Variants in NBEA observed in about 807,000 individuals in gnomAD.
The protein encoded by NBEA is neurobeachin.
A neutral mutation model predicts 343.4 loss-of-function variants in NBEA; 44 were observed. The ratio of observed to expected loss-of-function variants is 0.13; its 90% CI spans 0.10 to 0.16. The LOEUF is 0.16. NBEA is among the 10% of genes least tolerant of loss of function. The pLI is 1.00. For synonymous variants in NBEA, 1,175 were observed against 1,238.7 expected (o/e 0.95, Z 1.08); for missense variants, 2,555 against 3,631.3 (o/e 0.70, Z 7.62).
intron 41 of NBEA, among the ~76,000 whole-genome samples, chr13:35,485,671 T>C (rs2076279836): frequency 6.6e-6 from 1 of 152,076 alleles, no homozygotes; most frequent in Non-Finnish European, 1.5e-5. Context: ...TGATGACAAA[T>C]GCCCCTCTCT....
At chr13:35,513,680 T>C (rs1369748463) in intron 41 of NBEA, among the ~76,000 whole-genome samples, 1 of 152,148 alleles carries the variant, frequency 6.6e-6, no homozygotes, top group Non-Finnish European at 1.5e-5. Context: ...AGATGTAAAG[T>C]ATATAAATTA....
rs773560065 is a variant in NBEA at position 35,208,863 on chromosome 13, C to G, written c.5521+9C>G. 1.3e-6 allele frequency: 2 copies of G among 1,512,030 alleles called. No individual in the cohort carries two copies. The highest frequency in any genetic ancestry group is 2.4e-5 in the East Asian group (1 of 41,742). The allele number at this position is 1,512,030 out of a possible 1,614,324, so 93.7% of individuals were successfully genotyped here. On this transcript the variant is annotated intron_variant, in intron 32 of 58. Transcript: ENST00000379939. ...TATGATTAATACAACAGGTATTGTA[C>G]TTACATATTTTTGTGATACTCATCT...
At chr13:35,204,429 A>C (rs1005355247) in intron 31 of NBEA, among the ~76,000 whole-genome samples, 14 of 152,188 alleles carry the variant, frequency 9.2e-5, no homozygotes, top group African/African-American at 3.4e-4. Context: ...AAGAAGCAGC[A>C]GAAGTGGAAA....
At chr13:35,213,710 A>G (rs1441530965) in intron 33 of NBEA, among the ~76,000 whole-genome samples, 3 of 150,844 alleles carry the variant, frequency 2.0e-5, no homozygotes, top group East Asian at 3.9e-4. Context: ...GTATGTTTCT[A>G]TTTTCCTGAA....
chr13:35,304,753 T>C (rs565054184), intron 35 of NBEA, among the ~76,000 whole-genome samples: 38 of 152,252 alleles, frequency 2.5e-4, no homozygotes, highest in African/African-American at 8.4e-4. Flanking sequence ...AAAAAATTGT[T>C]TTTAAAAATT....
At chr13:35,295,574 G>A (rs2036072247) in intron 35 of NBEA, among the ~76,000 whole-genome samples, 1 of 152,126 alleles carries the variant, frequency 6.6e-6, no homozygotes, top group Non-Finnish European at 1.5e-5. Flanking sequence ...TGAAAATACA[G>A]TGAGGCATAA....
At chr13:35,007,640 TG>T (rs1314092017) in intron 1 of NBEA, among the ~76,000 whole-genome samples, 5 of 152,042 alleles carry the variant, frequency 3.3e-5, no homozygotes, top group African/African-American at 1.2e-4. Context: ...TACAGGTGCA[TG>T]CTACTGTGCC....
intron 1 of NBEA, among the ~76,000 whole-genome samples, chr13:35,021,877 A>G (rs1221183596): frequency 1.3e-5 from 2 of 152,060 alleles, no homozygotes; most frequent in African/African-American, 4.8e-5. Flanking sequence ...GAGATTTCAA[A>G]CTGTGGAATT....
chr13:35,593,215 A>T, intron 46 of NBEA, 113 bp from the exon 47 acceptor site: 1 of 1,223,154 alleles, frequency 8.2e-7, no homozygotes, highest in Non-Finnish European at 1.1e-6. Flanking sequence ...TCTTTCTAGG[A>T]CCCTGATCTG....
intron 51 of NBEA, among the ~76,000 whole-genome samples, chr13:35,648,340 A>G (rs1042842811): frequency 2.6e-5 from 4 of 152,070 alleles, no homozygotes; most frequent in Non-Finnish European, 5.9e-5. Context: ...GTTGCCGTAT[A>G]AACCCCTCAG....
chr13:35,110,641 T>TA (rs2066156370), intron 12 of NBEA, among the ~76,000 whole-genome samples, 169 bp from the exon 13 acceptor site: 1 of 152,226 alleles, frequency 6.6e-6, no homozygotes, highest in African/African-American at 2.4e-5. Context: ...AGATTATATA[T>TA]TTTTTAAATA....
intron 41 of NBEA, among the ~76,000 whole-genome samples, chr13:35,528,411 A>G (rs955707620): frequency 1.3e-5 from 2 of 152,242 alleles, no homozygotes; most frequent in African/African-American, 4.8e-5. Context: ...TGAGATAGGT[A>G]AATTAAGAAC....
intron 35 of NBEA, among the ~76,000 whole-genome samples, chr13:35,295,510 G>A (rs1252137874): frequency 6.6e-6 from 1 of 151,906 alleles, no homozygotes; most frequent in African/African-American, 2.4e-5. Context: ...AATCTTTATT[G>A]CCATAAAAGT....
intron 10 of NBEA, among the ~76,000 whole-genome samples, chr13:35,083,794 A>G (rs2064562947): frequency 2.0e-5 from 3 of 151,168 alleles, no homozygotes; most frequent in Non-Finnish European, 4.5e-5. Flanking sequence ...AAATGCTCCA[A>G]TTAAAAGACC....
At chr13:35,436,658 C>G (rs934341591) in intron 39 of NBEA, among the ~76,000 whole-genome samples, 1 of 149,128 alleles carries the variant, frequency 6.7e-6, no homozygotes, top group Non-Finnish European at 1.5e-5. Flanking sequence ...TGCAGTGAGC[C>G]TAGATCGCGC....
chr13:35,544,607 T>C (rs1212352407), intron 41 of NBEA, among the ~76,000 whole-genome samples: 1 of 152,216 alleles, frequency 6.6e-6, no homozygotes, highest in African/African-American at 2.4e-5. Context: ...TATTACTTTC[T>C]ATGTACCTTA....
At chr13:35,000,389 G>A (rs2061086971) in intron 1 of NBEA, among the ~76,000 whole-genome samples, 1 of 152,012 alleles carries the variant, frequency 6.6e-6, no homozygotes, top group Non-Finnish European at 1.5e-5. Context: ...CTGTTTCGGA[G>A]AAGATAGATA....
At chr13:35,356,940 A>C (rs1206079779) in intron 38 of NBEA, among the ~76,000 whole-genome samples, 1 of 152,024 alleles carries the variant, frequency 6.6e-6, no homozygotes, top group Non-Finnish European at 1.5e-5. Context: ...TTTTCCCTTC[A>C]TCACTCCCTA....
At chr13:35,220,577 A>C (rs752246670) in intron 33 of NBEA, among the ~76,000 whole-genome samples, 2 of 152,002 alleles carry the variant, frequency 1.3e-5, no homozygotes, top group Non-Finnish European at 2.9e-5. Context: ...TATTTATTTT[A>C]TAGGTTAATT....
Sources: allele counts gnomAD v4.1 joint callset (sites outside exome capture counted in the v4.1 genomes callset), GRCh38; gene constraint gnomAD v4.1.1; transcripts MANE v1.5; gene names NCBI Gene and HGNC (gene_info 2026-07-23, HGNC 2026-07-21).